The following SDK1 variants were observed in gnomAD, a reference collection of about 807,000 sequenced individuals.
The protein encoded by SDK1 is protein sidekick-1.
A neutral mutation model predicts 245.5 loss-of-function variants in SDK1; 157 were observed. The observed-to-expected ratio is 0.64, with a 90% CI of 0.56 to 0.73. SDK1 has a LOEUF of 0.73. SDK1 is among the 30% of genes least tolerant of loss of function. The pLI, the probability that SDK1 is intolerant of heterozygous loss-of-function variation, is 0.00. For synonymous variants in SDK1, 1,647 were observed against 1,278.5 expected (o/e 1.29, Z -6.15); for missense variants, 3,583 against 3,002.3 (o/e 1.19, Z -4.52).
intron 1 of SDK1, among the ~76,000 whole-genome samples, chr7:3,461,743 C>G (rs1780837466): frequency 6.6e-6 from 1 of 152,118 alleles, no homozygotes; most frequent in South Asian, 2.1e-4. Context: ...TGGAAAAAAC[C>G]TCAATATCCA....
intron 1 of SDK1, among the ~76,000 whole-genome samples, chr7:3,438,917 A>G (rs1361859652): frequency 2.1e-5 from 3 of 139,576 alleles, no homozygotes; most frequent in Non-Finnish European, 4.5e-5. Flanking sequence ...CAGTGGTGCG[A>G]TCTTGGCTCA....
intron 1 of SDK1, among the ~76,000 whole-genome samples, chr7:3,424,800 G>A (rs369892618): frequency 6.6e-6 from 1 of 152,076 alleles, no homozygotes; most frequent in South Asian, 2.1e-4. Context: ...GGGAGACTGA[G>A]GCATGAGGAT....
In SDK1 at chr7:4,066,736, G is replaced by C. The variant is rs979726357; in HGVS notation, c.2912-1102G>C. On this transcript the variant is annotated intron_variant, in intron 19 of 44. Transcript: ENST00000404826. The stretch of plus-strand genomic sequence containing the variant: ...TAAACCTGGGTGAGCTGGTGCAAGA[G>C]ATGTGGGTCAGAACTGCCAGATGTC... 8.5e-5 allele frequency among the ~76,000 whole-genome samples: 13 copies of C among 152,288 alleles called. No homozygotes were observed. In the East Asian group the frequency reaches 2.5e-3, roughly 29 times the overall value.
At chr7:3,837,697 A>G (rs370921040) in intron 5 of SDK1, among the ~76,000 whole-genome samples, 23 of 152,306 alleles carry the variant, frequency 1.5e-4, no homozygotes, top group African/African-American at 5.3e-4. Context: ...GATGATGGAA[A>G]TGTTCTCTAT....
At chr7:3,770,876 TCTTCTGTTGG>T (rs952989226) in intron 4 of SDK1, among the ~76,000 whole-genome samples, 1 of 152,178 alleles carries the variant, frequency 6.6e-6, no homozygotes, top group Non-Finnish European at 1.5e-5. Flanking sequence ...TGGCTTAGTT[TCTTCTGTTGG>T]TGAGGGAAGG....
chr7:4,174,938 A>T (rs1051140469), intron 33 of SDK1, among the ~76,000 whole-genome samples: 4 of 152,148 alleles, frequency 2.6e-5, no homozygotes, highest in African/African-American at 9.7e-5. Context: ...ATTTCCTGGC[A>T]CCCACCAAAC....
intron 1 of SDK1, among the ~76,000 whole-genome samples, chr7:3,412,234 C>T (rs570528923): frequency 1.3e-5 from 2 of 152,198 alleles, no homozygotes; most frequent in South Asian, 4.2e-4. Flanking sequence ...TTTTCCTGCC[C>T]CATTTCCTCA....
At chr7:4,083,276 C>G (rs1029716629) in intron 22 of SDK1, among the ~76,000 whole-genome samples, 1 of 151,690 alleles carries the variant, frequency 6.6e-6, no homozygotes, top group Non-Finnish European at 1.5e-5. Context: ...CCAACCCTCC[C>G]CGTCCCCACA....
At chr7:3,656,671 C>T (rs1783194517) in intron 4 of SDK1, among the ~76,000 whole-genome samples, 2 of 151,914 alleles carry the variant, frequency 1.3e-5, no homozygotes, top group African/African-American at 4.8e-5. Flanking sequence ...ATACATGCTC[C>T]TTGGGAACTC....
At chr7:4,134,306 C>T (rs1341926612) in intron 28 of SDK1, among the ~76,000 whole-genome samples, 8 of 152,190 alleles carry the variant, frequency 5.3e-5, no homozygotes, top group African/African-American at 1.7e-4. Flanking sequence ...CTACTAAAAT[C>T]TCAGTTGAGC....
intron 1 of SDK1, among the ~76,000 whole-genome samples, chr7:3,403,312 C>T (rs975539888): frequency 6.6e-6 from 1 of 152,054 alleles, no homozygotes; most frequent in South Asian, 2.1e-4. Flanking sequence ...AATTTCATTT[C>T]ATTTTACCCA....
intron 4 of SDK1, among the ~76,000 whole-genome samples, chr7:3,656,665 A>G (rs1783194332): frequency 6.6e-6 from 1 of 150,922 alleles, no homozygotes; most frequent in Non-Finnish European, 1.5e-5. Context: ...CAACCCATAC[A>G]TGCTCCTTGG....
At chr7:3,468,483 C>G (rs184237690) in intron 1 of SDK1, among the ~76,000 whole-genome samples, 1 of 152,302 alleles carries the variant, frequency 6.6e-6, no homozygotes, top group Non-Finnish European at 1.5e-5. Context: ...ACCCCTTTCC[C>G]CATAGCCAGC....
chr7:3,940,685 G>A (rs982937776), intron 5 of SDK1, among the ~76,000 whole-genome samples: 2 of 152,060 alleles, frequency 1.3e-5, no homozygotes, highest in African/African-American at 2.4e-5. Flanking sequence ...GCCGGGTGTC[G>A]TGGCAGGCGC....
At chr7:3,580,668 A>G (rs1447285392) in intron 1 of SDK1, among the ~76,000 whole-genome samples, 3 of 152,142 alleles carry the variant, frequency 2.0e-5, no homozygotes, top group Non-Finnish European at 4.4e-5. Context: ...ACCCAAAACT[A>G]TAAAAACTCT....
chr7:3,407,422 G>C (rs1382485468), intron 1 of SDK1, among the ~76,000 whole-genome samples: 2 of 152,136 alleles, frequency 1.3e-5, no homozygotes, highest in Admixed American at 6.5e-5. Context: ...TGACACTTTT[G>C]GTGACAGTGC....
intron 1 of SDK1, among the ~76,000 whole-genome samples, chr7:3,367,015 C>G (rs896963816): frequency 1.3e-5 from 2 of 152,186 alleles, no homozygotes; most frequent in African/African-American, 2.4e-5. Flanking sequence ...GCTGGGATTA[C>G]AGGCGTGAGC....
intron 44 of SDK1, among the ~76,000 whole-genome samples, chr7:4,255,289 T>A (rs1787555701): frequency 6.6e-6 from 1 of 152,234 alleles, no homozygotes; most frequent in South Asian, 2.1e-4. Context: ...ATAAAGTCAT[T>A]TTCCTCAGTC....
chr7:4,155,198 G>A (rs978938245), intron 30 of SDK1, among the ~76,000 whole-genome samples: 1 of 113,706 alleles, frequency 8.8e-6, no homozygotes, highest in African/African-American at 3.4e-5. Flanking sequence ...GGTTTTGGGG[G>A]CACTGGCGTG....
Sources: gnomAD v4.1 joint callset for allele counts (sites outside exome capture counted in the v4.1 genomes callset) on GRCh38, gnomAD v4.1.1 for gene constraint, MANE v1.5 for transcripts, NCBI Gene and HGNC (gene_info 2026-07-23, HGNC 2026-07-21) for gene names.